QSER1: variants seen among roughly 807,000 people sequenced by gnomAD.
QSER1 encodes the protein glutamine and serine rich 1.
A neutral mutation model predicts 158.5 loss-of-function variants in QSER1; 49 were observed. The ratio of observed to expected loss-of-function variants is 0.31; its 90% CI spans 0.25 to 0.39. The LOEUF (loss-of-function observed/expected upper bound fraction) is 0.39. Among genes scored for constraint, QSER1 ranks in the 10% least tolerant of loss-of-function variants. QSER1 has a pLI of 1.00. For missense variants in QSER1, 1,754 were observed against 2,010.3 expected (o/e 0.87, Z 2.44); for synonymous variants, 650 against 715.5 (o/e 0.91, Z 1.46).
At chr11:32,949,289 T>C (rs1852385386) in intron 4 of QSER1, among the ~76,000 whole-genome samples, 1 of 152,184 alleles carries the variant, frequency 6.6e-6, no homozygotes, top group Non-Finnish European at 1.5e-5. Context: ...TGACTTGTTT[T>C]GACATATAAC....
At chr11:32,896,959 G>A (rs1851563520) in intron 1 of QSER1, among the ~76,000 whole-genome samples, 1 of 152,120 alleles carries the variant, frequency 6.6e-6, no homozygotes. Context: ...GTTAATGAAA[G>A]GTTATTTCAG....
At chr11:32,909,762 ATTTATT>A (rs1438113203) in intron 1 of QSER1, among the ~76,000 whole-genome samples, 1 of 152,066 alleles carries the variant, frequency 6.6e-6, no homozygotes, top group Non-Finnish European at 1.5e-5. Flanking sequence ...ATCCTTTAAC[ATTTATT>A]TTAAAAGCAA....
intron 4 of QSER1, among the ~76,000 whole-genome samples, chr11:32,949,564 A>C (rs1162516910): frequency 6.6e-6 from 1 of 152,234 alleles, no homozygotes; most frequent in Non-Finnish European, 1.5e-5. Context: ...AATTTGGATC[A>C]ACTATGCAAT....
intron 1 of QSER1, among the ~76,000 whole-genome samples, chr11:32,896,892 G>A (rs1851562638): frequency 6.6e-6 from 1 of 152,084 alleles, no homozygotes; most frequent in Admixed American, 6.5e-5. Flanking sequence ...TTTTCCTCAA[G>A]GTTTTTGGGA....
intron 1 of QSER1, among the ~76,000 whole-genome samples, chr11:32,896,926 G>A (rs1439003700): frequency 6.6e-6 from 1 of 152,126 alleles, no homozygotes; most frequent in African/African-American, 2.4e-5. Context: ...ATCATAATTT[G>A]TAAGGCGTAA....
intron 10 of QSER1, among the ~76,000 whole-genome samples, chr11:32,970,880 C>T (rs568036026): frequency 2.9e-4 from 43 of 149,768 alleles, no homozygotes; most frequent in Non-Finnish European, 5.2e-4. Context: ...CAAACCAGTT[C>T]TCTAACAAGA....
At chr11:32,918,789 C>T (rs968192387) in intron 1 of QSER1, among the ~76,000 whole-genome samples, 1 of 152,036 alleles carries the variant, frequency 6.6e-6, no homozygotes, top group African/African-American at 2.4e-5. Context: ...ACACCCTCTT[C>T]CCCCCAAAAA....
chr11:32,971,915 T>C (rs1172669262), intron 10 of QSER1, among the ~76,000 whole-genome samples: 2 of 151,690 alleles, frequency 1.3e-5, no homozygotes, highest in East Asian at 3.9e-4. Context: ...TACAAAAAAT[T>C]AGCCGGGCGT....
chr11:32,923,159 C>T (rs916024269), intron 1 of QSER1, among the ~76,000 whole-genome samples: 1 of 152,128 alleles, frequency 6.6e-6, no homozygotes, highest in East Asian at 1.9e-4. Context: ...ATAGATGAAT[C>T]TCAGAGGTGT....
chr11:32,927,447 G>A (rs1851987354), intron 2 of QSER1, among the ~76,000 whole-genome samples, 178 bp downstream of exon 2: 1 of 152,084 alleles, frequency 6.6e-6, no homozygotes, highest in Non-Finnish European at 1.5e-5. Flanking sequence ...TCGCTCTGTC[G>A]GCCAGGCTGG....
intron 1 of QSER1, among the ~76,000 whole-genome samples, chr11:32,908,269 G>A (rs1045114105): frequency 6.6e-6 from 1 of 152,184 alleles, no homozygotes; most frequent in Non-Finnish European, 1.5e-5. Context: ...TCCAGGCCTT[G>A]GTGGCTCTTG....
intron 4 of QSER1, among the ~76,000 whole-genome samples, chr11:32,953,635 G>A (rs1487563672): frequency 1.3e-5 from 2 of 152,182 alleles, no homozygotes; most frequent in African/African-American, 4.8e-5. Flanking sequence ...AGGATAGGTA[G>A]ATAGTTGCAG....
chr11:32,971,189 A>T (rs1032742223), intron 10 of QSER1, among the ~76,000 whole-genome samples: 1 of 152,134 alleles, frequency 6.6e-6, no homozygotes, highest in Non-Finnish European at 1.5e-5. Context: ...AAGTGCTGGG[A>T]TTACAGGTGT....
At chr11:32,895,693 C>T (rs578122901) in intron 1 of QSER1, among the ~76,000 whole-genome samples, 1 of 152,286 alleles carries the variant, frequency 6.6e-6, no homozygotes, top group African/African-American at 2.4e-5. Flanking sequence ...CACCTTGTTT[C>T]CTGTAACCTA....
chr11:32,900,915 T>C (rs1851616575), intron 1 of QSER1, among the ~76,000 whole-genome samples: 1 of 152,186 alleles, frequency 6.6e-6, no homozygotes. Flanking sequence ...GCATTCTCAC[T>C]CTCTGGAGTA....
intron 1 of QSER1, among the ~76,000 whole-genome samples, chr11:32,913,179 CTTTTTTTTTTTTT>C (rs61685246): frequency 1.7e-4 from 9 of 54,354 alleles, no homozygotes; most frequent in East Asian, 4.1e-4. Context: ...TCTCCTCTTC[CTTTTTTTTTTTTT>C]TTTTTTTTTT....
chr11:32,951,562 A>T (rs572697645), intron 4 of QSER1, among the ~76,000 whole-genome samples: 5 of 152,260 alleles, frequency 3.3e-5, no homozygotes, highest in Non-Finnish European at 5.9e-5. Flanking sequence ...ATCCATCAAC[A>T]TGGGATGTTT....
intron 12 of QSER1, chr11:32,975,628 G>A: frequency 8.1e-7 from 1 of 1,230,066 alleles, no homozygotes; most frequent in Non-Finnish European, 1.0e-6. Context: ...ATGTTTTATT[G>A]CATTTTGTTC....
chr11:32,975,213 A>G lies in QSER1; in HGVS notation c.5359-35A>G, dbSNP rs754249706. 15 of 1,438,568 alleles carry G rather than the reference A, an allele frequency of 1.0e-5. No individual in the cohort carries two copies. The South Asian group carries it at 2.0e-4, about 19-fold the overall frequency. The allele number at this position is 1,438,568 out of a possible 1,614,324, so 89.1% of individuals were successfully genotyped here. ...AAAGTGTTCTTAGCTCAGATACTCC[A>G]TGAAATGTATCTATAAACTTTTTTC... On this transcript the variant is annotated intron_variant, in intron 11 of 12. Coordinates refer to ENST00000650167, the MANE Select transcript of QSER1 (RefSeq NM_001076786.3).
Sources: gnomAD v4.1 joint callset for allele counts (sites outside exome capture counted in the v4.1 genomes callset) on GRCh38, gnomAD v4.1.1 for gene constraint, MANE v1.5 for transcripts, NCBI Gene and HGNC (gene_info 2026-07-23, HGNC 2026-07-21) for gene names.